GALNT17: variants seen among roughly 807,000 people sequenced by gnomAD.
GALNT17 encodes the protein UDP-GalNAc:polypeptide N-acetylgalactosaminyltransferase-like 3.
A neutral mutation model predicts 63.7 loss-of-function variants in GALNT17; 29 were observed. The ratio of observed to expected loss-of-function variants is 0.46; its 90% confidence interval spans 0.34 to 0.62. The LOEUF (loss-of-function observed/expected upper bound fraction) is 0.62. GALNT17 is among the 20% of genes least tolerant of loss of function. GALNT17 has a pLI of 0.01. For synonymous variants in GALNT17, 305 were observed against 318.3 expected, an observed-to-expected ratio of 0.96 and a Z score of 0.45; for missense variants, 603 against 799.6, an observed-to-expected ratio of 0.75 and a Z score of 2.97.
In GALNT17 at chr7:71,170,404, C is replaced by T. The variant is rs562308820; in HGVS notation, c.238+37364C>T. Among the ~76,000 whole-genome samples the T allele has an allele frequency of 5.1e-4, 78 of 152,160 alleles. No homozygotes were observed. In the East Asian group the frequency reaches 9.9e-3, roughly 19 times the overall value. On this transcript the variant is annotated intron_variant, in intron 1 of 10. Coordinates refer to ENST00000333538, the MANE Select transcript of GALNT17 (RefSeq NM_022479.3). The stretch of plus-strand genomic sequence containing the variant: ...AGGCTGTAGAGCAGTGGTGCCATCT[C>T]GGCTCACCGCAACCTCTGCCTCCCG...
intron 2 of GALNT17, among the ~76,000 whole-genome samples, chr7:71,371,460 T>C (rs1353803653): frequency 3.3e-5 from 5 of 152,208 alleles, no homozygotes; most frequent in Non-Finnish European, 5.9e-5. Context: ...TTATATGAAT[T>C]ATGCATTCAT....
chr7:71,540,850 A>G (rs917137020), intron 5 of GALNT17, among the ~76,000 whole-genome samples: 11 of 152,284 alleles, frequency 7.2e-5, no homozygotes, highest in African/African-American at 2.6e-4. Flanking sequence ...GTTAACTCTC[A>G]ACAGCTGCTT....
intron 1 of GALNT17, among the ~76,000 whole-genome samples, chr7:71,140,685 C>T (rs997724848): frequency 2.6e-5 from 4 of 152,112 alleles, no homozygotes; most frequent in African/African-American, 9.7e-5. Flanking sequence ...CCAAGGCCAG[C>T]GAAGAAACAA....
intron 2 of GALNT17, among the ~76,000 whole-genome samples, chr7:71,339,814 T>C (rs1470033382): frequency 1.3e-5 from 2 of 152,022 alleles, no homozygotes; most frequent in Admixed American, 6.6e-5. Context: ...CATGGCCCAA[T>C]ATTGCCGTGT....
chr7:71,396,196 A>G (rs964154448), intron 3 of GALNT17, among the ~76,000 whole-genome samples: 2 of 152,146 alleles, frequency 1.3e-5, no homozygotes, highest in South Asian at 2.1e-4. Context: ...GCCTAATCCA[A>G]AGTCACAAAG....
chr7:71,155,743 C>T (rs1788223004), intron 1 of GALNT17, among the ~76,000 whole-genome samples: 1 of 151,722 alleles, frequency 6.6e-6, no homozygotes, highest in South Asian at 2.1e-4. Flanking sequence ...TCCTGGAAAC[C>T]TATAGAGTAC....
intron 1 of GALNT17, among the ~76,000 whole-genome samples, chr7:71,278,384 C>A (rs2115737787): frequency 6.6e-6 from 1 of 152,300 alleles, no homozygotes; most frequent in African/African-American, 2.4e-5. Flanking sequence ...TCTGAAGAAT[C>A]CTTCCTTGCC....
chr7:71,467,081 AT>A (rs1787548318), intron 5 of GALNT17, among the ~76,000 whole-genome samples: 1 of 152,152 alleles, frequency 6.6e-6, no homozygotes, highest in Non-Finnish European at 1.5e-5. Context: ...GGCCTCTGAC[AT>A]TGGTGGGAAT....
chr7:71,681,202 C>T (rs925604771), intron 9 of GALNT17, among the ~76,000 whole-genome samples: 3 of 152,130 alleles, frequency 2.0e-5, no homozygotes, highest in African/African-American at 7.2e-5. Flanking sequence ...CACCCAGCCC[C>T]AGTTTTGCAT....
intron 2 of GALNT17, among the ~76,000 whole-genome samples, chr7:71,354,463 T>C (rs572962641): frequency 1.5e-4 from 23 of 152,338 alleles, no homozygotes; most frequent in Non-Finnish European, 3.2e-4. Context: ...ATTTCAGTTT[T>C]TTCAGTAACT....
intron 1 of GALNT17, among the ~76,000 whole-genome samples, chr7:71,311,771 C>T (rs1436189361): frequency 2.0e-5 from 3 of 152,196 alleles, no homozygotes; most frequent in Non-Finnish European, 4.4e-5. Context: ...TGCAGTTGCT[C>T]ACCAGTCCCT....
intron 9 of GALNT17, among the ~76,000 whole-genome samples, chr7:71,692,379 G>A (rs1791460125): frequency 6.6e-6 from 1 of 152,008 alleles, no homozygotes; most frequent in African/African-American, 2.4e-5. Context: ...GATTTGTTAG[G>A]CTGTCTTTAT....
chr7:71,492,430 C>T (rs896384204), intron 5 of GALNT17, among the ~76,000 whole-genome samples: 1 of 152,220 alleles, frequency 6.6e-6, no homozygotes, highest in Non-Finnish European at 1.5e-5. Context: ...CTTACACCCA[C>T]CTTCCTGAGA....
chr7:71,495,716 G>T (rs1041240054), intron 5 of GALNT17, among the ~76,000 whole-genome samples: 1 of 152,128 alleles, frequency 6.6e-6, no homozygotes, highest in African/African-American at 2.4e-5. Context: ...CACATGTAGA[G>T]GCTGATCATT....
At chr7:71,394,961 G>T (rs1433948650) in intron 3 of GALNT17, among the ~76,000 whole-genome samples, 1 of 152,010 alleles carries the variant, frequency 6.6e-6, no homozygotes, top group African/African-American at 2.4e-5. Flanking sequence ...AATTAGCTGG[G>T]TGTGGTGGCA....
At chr7:71,452,713 G>A (rs1168719762) in intron 5 of GALNT17, among the ~76,000 whole-genome samples, 1 of 152,302 alleles carries the variant, frequency 6.6e-6, no homozygotes, top group East Asian at 1.9e-4. Flanking sequence ...AGTATGAACT[G>A]AGCAGAGCAG....
chr7:71,705,105 A>G (rs1191497268), intron 9 of GALNT17, among the ~76,000 whole-genome samples: 1 of 152,254 alleles, frequency 6.6e-6, no homozygotes, highest in Non-Finnish European at 1.5e-5. Flanking sequence ...ATATTTGTAC[A>G]TCATATGTCA....
At chr7:71,508,453 C>G (rs955012045) in intron 5 of GALNT17, among the ~76,000 whole-genome samples, 2 of 152,222 alleles carry the variant, frequency 1.3e-5, no homozygotes, top group South Asian at 2.1e-4. Flanking sequence ...AGACAGAAAC[C>G]TGGATGCCGT....
rs939141027 is a variant in GALNT17, at chr7:71,399,302, G to A, written c.589+10901G>A. Among the ~76,000 whole-genome samples, 12 of 152,122 alleles carry A rather than the reference G, an allele frequency of 7.9e-5. 1 individual carries two copies. Among genetic ancestry groups the A allele is most frequent in the Admixed American group, 2.0e-4 (3 of 15,264 alleles). On this transcript the variant is annotated intron_variant, in intron 3 of 10. Coordinates refer to ENST00000333538, the MANE Select transcript of GALNT17 (RefSeq NM_022479.3). Reference sequence around the variant, plus strand: ...ATCAGTTTCTTTTCAAATAGCCTTCGTGCTAGTCTTCCTTATTCTGGTCTG... The same window carrying A: ...ATCAGTTTCTTTTCAAATAGCCTTCATGCTAGTCTTCCTTATTCTGGTCTG...
Sources: gnomAD v4.1 joint callset for allele counts (sites outside exome capture counted in the v4.1 genomes callset) on GRCh38, gnomAD v4.1.1 for gene constraint, MANE v1.5 for transcripts, NCBI Gene and HGNC (gene_info 2026-07-23, HGNC 2026-07-21) for gene names.